NQO2: variants seen among roughly 807,000 people sequenced by gnomAD.
The protein encoded by NQO2 is N-ribosyldihydronicotinamide:quinone dehydrogenase 2.
NQO2 carries 18 observed loss-of-function variants against 22.0 expected under a neutral mutation model. The ratio of observed to expected loss-of-function variants is 0.82; its 90% CI spans 0.56 to 1.21. The LOEUF (loss-of-function observed/expected upper bound fraction) is 1.21, where lower values mean the gene tolerates loss of function less well. Among genes scored for constraint, NQO2 ranks in the 50% most tolerant of loss-of-function variants. The pLI is 0.00. For missense variants in NQO2, 267 were observed against 286.9 expected, an observed-to-expected ratio of 0.93 and a Z score of 0.50; for synonymous variants, 106 against 110.8, an observed-to-expected ratio of 0.96 and a Z score of 0.28.
chr6:3,002,696 G>A (rs1756775618), intron 1 of NQO2, among the ~76,000 whole-genome samples: 2 of 151,414 alleles, frequency 1.3e-5, no homozygotes, highest in South Asian at 2.1e-4. Flanking sequence ...CCCTAGGAGG[G>A]GTCAGGTCAG....
intron 3 of NQO2, among the ~76,000 whole-genome samples, chr6:3,011,999 A>G (rs1757150581): frequency 6.6e-6 from 1 of 152,250 alleles, no homozygotes; most frequent in African/African-American, 2.4e-5. Flanking sequence ...ACCCACTGGT[A>G]AAAGTAAGTA....
intron 2 of NQO2, chr6:3,007,048 G>A: frequency 2.5e-6 from 1 of 395,080 alleles, no homozygotes; most frequent in Non-Finnish European, 4.5e-6. Flanking sequence ...AACATGGAGA[G>A]CCTTTCGTGT....
Position 3,016,942 on chromosome 6 carries a change from C to T in NQO2, c.476C>T (p.Thr159Ile). ...GGCACGGCCGAGATGTACACGAAGA[C>T]AGGAGTCAATGGAGATTCTCGATAC... ...TGGTAEMYTKTGVNGDSRYFL... is the reference protein window; with the variant it reads ...TGGTAEMYTKIGVNGDSRYFL... Residue 159 changes from threonine (T) to isoleucine (I), a missense_variant, in exon 6 of 7, where the codon ACA (threonine) becomes ATA (isoleucine). Physicochemically the swap from Thr to Ile is moderately conservative, Grantham distance 89. Transcript: ENST00000380455. 1 of 1,614,102 alleles carries T rather than the reference C, an allele frequency of 6.2e-7. No individual in the cohort carries two copies. Among genetic ancestry groups the T allele is most frequent in the South Asian group, 1.1e-5 (1 of 91,088 alleles).
At chr6:3,001,511 G>T (rs563510319) in intron 1 of NQO2, among the ~76,000 whole-genome samples, 1 of 152,254 alleles carries the variant, frequency 6.6e-6, no homozygotes, top group Admixed American at 6.5e-5. Flanking sequence ...ACTTCTAGCT[G>T]TGCTGTTTAT....
intron 4 of NQO2, among the ~76,000 whole-genome samples, chr6:3,012,946 C>A (rs1488245247): frequency 1.2e-4 from 7 of 60,704 alleles, no homozygotes; most frequent in African/African-American, 4.4e-4. Flanking sequence ...TGTAACACTA[C>A]TTTTTTTTTT....
chr6:3,006,274 A>T lies in NQO2; in HGVS notation c.-85-194A>T, dbSNP rs1347598094. ...TCAGAGTCCTCTCAAAAAAGGAAAAAAGTATGGGTTTTGACATCCTGCGTG... is the reference window on the plus strand; with the variant it reads ...TCAGAGTCCTCTCAAAAAAGGAAAATAGTATGGGTTTTGACATCCTGCGTG... On this transcript the variant is annotated intron_variant, in intron 1 of 6. Coordinates refer to ENST00000380455, the MANE Select transcript of NQO2 (RefSeq NM_000904.6). This position sits in a 1 kb window ranked among gnomAD's most constrained non-coding sequence, Gnocchi z 4.0. The T allele has an allele frequency of 4.1e-6, 4 of 965,086 alleles. No homozygotes were observed. The highest frequency in any genetic ancestry group is 4.9e-6 in the Non-Finnish European group (4 of 811,578). 59.8% of individuals were successfully genotyped at this position (965,086 alleles called of 1,614,324 possible).
chr6:3,000,744 G>A (rs9378755), intron 1 of NQO2, among the ~76,000 whole-genome samples: 29,868 of 152,094 alleles, frequency 0.2, 3,261 homozygotes, highest in Admixed American at 0.26. Flanking sequence ...GTTTCATGTT[G>A]GTCAGGCTGG....
intron 4 of NQO2, 108 bp downstream of exon 4, chr6:3,012,782 C>A: frequency 9.2e-7 from 1 of 1,085,846 alleles, no homozygotes. Flanking sequence ...ATGTTTTGAG[C>A]ACAGTTGCAC....
chr6:3,004,691 TG>T lies in NQO2; in HGVS notation c.-85-1776del, dbSNP rs1322667805. The stretch of plus-strand genomic sequence containing the variant: ...CACTTTTGTGTGTCTCTGTGCTTTT[TG>T]TTTTGCTGTAAAGACACACTGATAG... On this transcript the variant is annotated intron_variant, in intron 1 of 6. Coordinates refer to ENST00000380455, the MANE Select transcript of NQO2 (RefSeq NM_000904.6). 3 of 977,572 alleles carry T rather than the reference TG, an allele frequency of 3.1e-6. No homozygotes were observed. The East Asian group carries it at 3.4e-4, about 111-fold the overall frequency. 60.6% of individuals were successfully genotyped at this position (977,572 alleles called of 1,614,324 possible).
chr6:3,004,951 C>T (rs957490362), intron 1 of NQO2, among the ~76,000 whole-genome samples: 3 of 152,128 alleles, frequency 2.0e-5, no homozygotes, highest in Non-Finnish European at 2.9e-5. Flanking sequence ...CACACCACCA[C>T]GCCCGGCTAA....
In NQO2 at chr6:3,006,354, C is replaced by G; in HGVS notation, c.-85-114C>G. On this transcript the variant is annotated intron_variant, in intron 1 of 6. Transcript: ENST00000380455. The surrounding 1 kb of genome is among the most constrained non-coding windows in gnomAD (Gnocchi z 4.0). ...AGATTCCTGGCCTCTCTTGAGAGGTCTTTCTCTGATGTGTTTGCGTGTCTG... is the reference window on the plus strand; with the variant it reads ...AGATTCCTGGCCTCTCTTGAGAGGTGTTTCTCTGATGTGTTTGCGTGTCTG... The G allele has an allele frequency of 7.1e-7, 1 of 1,400,540 alleles. No individual in the cohort carries two copies. The highest frequency in any genetic ancestry group is 9.3e-7 in the Non-Finnish European group (1 of 1,075,518). The allele number at this position is 1,400,540 out of a possible 1,614,324, so 86.8% of individuals were successfully genotyped here. A position where few individuals can be genotyped will look rare whatever the true frequency, so the allele number is the denominator to read the frequency against.
Position 3,006,711 on chromosome 6 carries a change from C to A in NQO2, c.7+152C>A. On this transcript the variant is annotated intron_variant, in intron 2 of 6. Coordinates refer to ENST00000380455, the MANE Select transcript of NQO2 (RefSeq NM_000904.6). This position sits in a 1 kb window ranked among gnomAD's most constrained non-coding sequence, Gnocchi z 4.0. ...TAGACTCTTAATCAGAAATTGGATA[C>A]ATTGTTGTAAAAAATCCAAGCCACG... 4 of 715,366 alleles carry A rather than the reference C, an allele frequency of 5.6e-6. No individual in the cohort carries two copies. Among genetic ancestry groups the A allele is most frequent in the Non-Finnish European group, 8.8e-6 (4 of 457,084 alleles). The allele number at this position is 715,366 out of a possible 1,614,324, so 44.3% of individuals were successfully genotyped here. A position where few individuals can be genotyped will look rare whatever the true frequency, so the allele number is the denominator to read the frequency against.
chr6:3,006,756 T>C lies in NQO2; in HGVS notation c.7+197T>C. 1 of 511,156 alleles carries C rather than the reference T, an allele frequency of 2.0e-6. No individual in the cohort carries two copies. Among genetic ancestry groups the C allele is most frequent in the Non-Finnish European group, 3.4e-6 (1 of 291,990 alleles). The allele number at this position is 511,156 out of a possible 1,614,324, so 31.7% of individuals were successfully genotyped here. A position where few individuals can be genotyped will look rare whatever the true frequency, so the allele number is the denominator to read the frequency against. On this transcript the variant is annotated intron_variant, in intron 2 of 6. Transcript: ENST00000380455. The surrounding 1 kb of genome is among the most constrained non-coding windows in gnomAD (Gnocchi z 4.0). ...GCCACGTGGAAGTGTATAAACTATC[T>C]GGAATTATCTTGTTTTCTATGTTCT...
Position 3,010,837 on chromosome 6 carries a change from T to C in NQO2, c.172+648T>C, listed in dbSNP as rs75450432. Among the ~76,000 whole-genome samples, 1,116 of 152,158 alleles carry C rather than the reference T, an allele frequency of 7.3e-3. 13 individuals carry two copies. Among genetic ancestry groups the C allele is most frequent in the African/African-American group, 0.026 (1,061 of 41,502 alleles). On this transcript the variant is annotated intron_variant, in intron 3 of 6. Transcript: ENST00000380455. ...TCCCACACTACCATGCTATCCCCTTTGGAACCTCTCATATTCAGGACTGGC... is the reference window on the plus strand; with the variant it reads ...TCCCACACTACCATGCTATCCCCTTCGGAACCTCTCATATTCAGGACTGGC...
At chr6:3,007,275 T>A (rs1581323062) in intron 2 of NQO2, among the ~76,000 whole-genome samples, 1 of 152,170 alleles carries the variant, frequency 6.6e-6, no homozygotes, top group East Asian at 1.9e-4. Context: ...CTCCAGGCAT[T>A]GAGAAACGTC....
intron 1 of NQO2, among the ~76,000 whole-genome samples, chr6:3,002,747 C>CTT (rs774254698): frequency 6.8e-6 from 1 of 147,084 alleles, no homozygotes; most frequent in African/African-American, 2.5e-5. Flanking sequence ...ACCATCCACT[C>CTT]TTTTTTTTTT....
intron 1 of NQO2, chr6:3,005,932 C>T (rs1756936490): frequency 4.9e-6 from 2 of 404,098 alleles, no homozygotes; most frequent in African/African-American, 4.3e-5. Flanking sequence ...GCGGGGGTCT[C>T]CTCTGCTCCT....
chr6:3,001,378 G>A lies in NQO2; in HGVS notation c.-86+1293G>A, dbSNP rs1007332716. The stretch of plus-strand genomic sequence containing the variant: ...AGTGCTGGGATTAATGAACCACTGC[G>A]CCCGGCCAAAAATCAGCTTCTTTAA... On this transcript the variant is annotated intron_variant, in intron 1 of 6. Coordinates refer to ENST00000380455, the MANE Select transcript of NQO2 (RefSeq NM_000904.6). 3.3e-5 allele frequency among the ~76,000 whole-genome samples: 5 copies of A among 152,056 alleles called. No individual in the cohort carries two copies. In the East Asian group the frequency reaches 5.8e-4, roughly 18 times the overall value.
intron 3 of NQO2, among the ~76,000 whole-genome samples, chr6:3,010,645 C>G (rs1459497361): frequency 6.6e-6 from 1 of 151,636 alleles, no homozygotes; most frequent in African/African-American, 2.4e-5. Flanking sequence ...ATATCCCTGA[C>G]AACAGCCAGA....
Sources: gnomAD v4.1 joint callset for allele counts (sites outside exome capture counted in the v4.1 genomes callset) on GRCh38, gnomAD v4.1.1 for gene constraint, Gnocchi (gnomAD v3.1) non-coding constraint, MANE v1.5 for transcripts, NCBI Gene and HGNC (gene_info 2026-07-23, HGNC 2026-07-21) for gene names.